Variants in UBAP1 observed in about 807,000 individuals in gnomAD.
UBAP1 encodes ubiquitin associated protein 1, also known as ubiquitin-associated protein 1.
In UBAP1, 5 loss-of-function variants were observed where a neutral mutation model predicts 39.0. The ratio of observed to expected loss-of-function variants is 0.13; its 90% CI spans 0.07 to 0.27. UBAP1 has a LOEUF of 0.27. UBAP1 is among the 10% of genes least tolerant of loss of function. UBAP1 has a pLI of 1.00. For missense variants in UBAP1, 490 were observed against 608.1 expected (o/e 0.81, Z 2.04); for synonymous variants, 211 against 225.1 (o/e 0.94, Z 0.56).
At chr9:34,181,120 T>TTTTTC (rs1563879538) in intron 1 of UBAP1, among the ~76,000 whole-genome samples, 1 of 84,344 alleles carries the variant, frequency 1.2e-5, no homozygotes, top group African/African-American at 3.3e-5. Flanking sequence ...TGTTTTCTTT[T>TTTTTC]TTTTTTTTTT....
Position 34,234,506 on chromosome 9 carries a change from C to T in UBAP1, c.159+166C>T, listed in dbSNP as rs554105576. 1.8e-4 allele frequency among the ~76,000 whole-genome samples: 28 copies of T among 152,214 alleles called. 1 individual carries two copies. The South Asian group carries it at 4.8e-3, about 26-fold the overall frequency. ...TCCCATAAAATTATAAGGGGCTGGGCGTGGTGGCTCACGCCTGTAATCCTA... is the reference window on the plus strand; with the variant it reads ...TCCCATAAAATTATAAGGGGCTGGGTGTGGTGGCTCACGCCTGTAATCCTA... On this transcript the variant is annotated intron_variant, in intron 3 of 6. Transcript: ENST00000297661.
intron 1 of UBAP1, among the ~76,000 whole-genome samples, chr9:34,190,652 G>C (rs2131508300): frequency 7.4e-6 from 1 of 135,402 alleles, no homozygotes; most frequent in Non-Finnish European, 1.5e-5. Context: ...TTTTTTTTTG[G>C]AGACAGGGTC....
chr9:34,217,659 T>TA (rs1832405907), intron 1 of UBAP1, among the ~76,000 whole-genome samples: 1 of 151,568 alleles, frequency 6.6e-6, no homozygotes. Flanking sequence ...CTTTATGAGA[T>TA]AAACTTTTTT....
chr9:34,216,947 C>T (rs1832356668), intron 1 of UBAP1, among the ~76,000 whole-genome samples: 1 of 151,846 alleles, frequency 6.6e-6, no homozygotes, highest in Non-Finnish European at 1.5e-5. Context: ...AATAGAATAC[C>T]AGAACTTATT....
chr9:34,200,308 C>T (rs1288723206), intron 1 of UBAP1, among the ~76,000 whole-genome samples: 1 of 152,198 alleles, frequency 6.6e-6, no homozygotes, highest in Non-Finnish European at 1.5e-5. Context: ...ATTGAGAGCT[C>T]TTTCAGATTG....
At chr9:34,234,135 C>A in intron 2 of UBAP1, 81 bp from the exon 3 acceptor site, 2 of 1,392,548 alleles carry the variant, frequency 1.4e-6, no homozygotes, top group Non-Finnish European at 9.7e-7. Flanking sequence ...AAAATTAATG[C>A]ATATCCGTTA....
At chr9:34,248,948 C>T (rs1834323563) in intron 4 of UBAP1, among the ~76,000 whole-genome samples, 3 of 152,180 alleles carry the variant, frequency 2.0e-5, no homozygotes, top group Admixed American at 1.3e-4. Flanking sequence ...TGGGAGTGTG[C>T]TGTCTTCCTG....
chr9:34,231,708 G>A (rs1168030846), intron 2 of UBAP1, among the ~76,000 whole-genome samples: 1 of 151,122 alleles, frequency 6.6e-6, no homozygotes, highest in Non-Finnish European at 1.5e-5. Context: ...GCAGTGGTGC[G>A]ATCTTGACTC....
At chr9:34,181,111 G>GTTTTT (rs1563879456) in intron 1 of UBAP1, among the ~76,000 whole-genome samples, 1 of 35,284 alleles carries the variant, frequency 2.8e-5, no homozygotes, top group Non-Finnish European at 6.9e-5. Flanking sequence ...CACCCGGCCT[G>GTTTTT]TTTTCTTTTT....
In UBAP1 at chr9:34,234,356, TA is replaced by T; in HGVS notation, c.159+17del. 6.3e-7 allele frequency: 1 copy of T among 1,577,846 alleles called. No individual in the cohort carries two copies. The highest frequency in any genetic ancestry group is 8.6e-7 in the Non-Finnish European group (1 of 1,168,946). ...AGAAGTACAGGTAAGTGGTAATTTT[TA>T]GTTAAAGTTTAGTGCATTTAAAAGT... On this transcript the variant is annotated intron_variant, in intron 3 of 6. Transcript: ENST00000297661.
At chr9:34,196,082 C>T (rs1831037948) in intron 1 of UBAP1, among the ~76,000 whole-genome samples, 1 of 151,038 alleles carries the variant, frequency 6.6e-6, no homozygotes, top group African/African-American at 2.4e-5. Context: ...TGTCTGGCTC[C>T]ATATGATTTT....
At chr9:34,234,036 C>T (rs1344799899) in intron 2 of UBAP1, among the ~76,000 whole-genome samples, 180 bp from the exon 3 acceptor site, 3 of 152,126 alleles carry the variant, frequency 2.0e-5, no homozygotes, top group African/African-American at 7.2e-5. Context: ...AAGACTGAAT[C>T]AGTAGAATTT....
chr9:34,189,371 T>G (rs928319664), intron 1 of UBAP1, among the ~76,000 whole-genome samples: 1 of 151,176 alleles, frequency 6.6e-6, no homozygotes, highest in South Asian at 2.1e-4. Flanking sequence ...ATATTTTTAG[T>G]AGAAATGGGG....
intron 1 of UBAP1, among the ~76,000 whole-genome samples, chr9:34,209,558 A>G (rs1831903488): frequency 6.6e-6 from 1 of 152,134 alleles, no homozygotes; most frequent in South Asian, 2.1e-4. Context: ...TGCACTCTTT[A>G]TTGTTAATAA....
chr9:34,227,697 G>A (rs978634151), intron 2 of UBAP1, among the ~76,000 whole-genome samples: 1 of 152,168 alleles, frequency 6.6e-6, no homozygotes, highest in Non-Finnish European at 1.5e-5. Context: ...TGCCACAACC[G>A]CAGCCATGAG....
chr9:34,242,655 G>C (rs1416443454), intron 4 of UBAP1, among the ~76,000 whole-genome samples: 3 of 152,088 alleles, frequency 2.0e-5, no homozygotes, highest in Non-Finnish European at 2.9e-5. Context: ...TTCCCGAATA[G>C]CTGGGACTAC....
intron 3 of UBAP1, among the ~76,000 whole-genome samples, chr9:34,236,684 T>G (rs1833716417): frequency 6.6e-6 from 1 of 152,052 alleles, no homozygotes; most frequent in African/African-American, 2.4e-5. Context: ...CAGTTCAGCC[T>G]GACCTCATTT....
chr9:34,241,797 C>T lies in UBAP1; in HGVS notation c.772C>T (p.Pro258Ser). The T allele has an allele frequency of 1.2e-6, 2 of 1,614,110 alleles. No individual in the cohort carries two copies. Among genetic ancestry groups the T allele is most frequent in the Non-Finnish European group, 1.7e-6 (2 of 1,180,018 alleles). Residue 258 changes from proline to serine, a missense_variant, in exon 4 of 7, where the codon CCT becomes TCT. This residue lies in a region of UBAP1 where 339 missense variants were observed against 390.0 expected (regional missense o/e 0.87). Coordinates refer to ENST00000297661, the MANE Select transcript of UBAP1 (RefSeq NM_016525.5). ...LSSKVSLPPIPAVSNIKSLSF... is the reference protein window; with the variant it reads ...LSSKVSLPPISAVSNIKSLSF... ...TTCCAAAGTGTCCCTCCCCCCTATA[C>T]CTGCAGTAAGCAATATCAAATCCCT...
chr9:34,195,976 T>C (rs893773056), intron 1 of UBAP1, among the ~76,000 whole-genome samples: 9 of 130,736 alleles, frequency 6.9e-5, no homozygotes, highest in Admixed American at 4.3e-4. Context: ...AGATAGAGTC[T>C]CACTATGTTG....
Sources: gnomAD v4.1 joint callset for allele counts (sites outside exome capture counted in the v4.1 genomes callset) on GRCh38, gnomAD v4.1.1 for gene constraint, gnomAD v4.1.1 regional missense constraint, MANE v1.5 for transcripts, NCBI Gene and HGNC (gene_info 2026-07-23, HGNC 2026-07-21) for gene names.